AAMDC: variants seen among roughly 807,000 people sequenced by gnomAD.
AAMDC encodes the protein adipogenesis associated Mth938 domain containing, also known as mth938 domain-containing protein.
Under a neutral mutation model 15.5 loss-of-function variants are expected in AAMDC, and 16 were observed. That is an observed-to-expected ratio of 1.03 (90% CI 0.70 to 1.57). The LOEUF (loss-of-function observed/expected upper bound fraction) is 1.57, where lower values mean the gene tolerates loss of function less well. AAMDC is among the 40% of genes most tolerant of loss of function. The pLI is 0.00. For missense variants in AAMDC, 141 were observed against 144.9 expected, an observed-to-expected ratio of 0.97 and a Z score of 0.14; for synonymous variants, 51 against 51.6, an observed-to-expected ratio of 0.99 and a Z score of 0.05.
chr11:77,863,278 C>G (rs183273293), intron 2 of AAMDC, among the ~76,000 whole-genome samples: 3 of 152,242 alleles, frequency 2.0e-5, no homozygotes, highest in East Asian at 3.9e-4. Flanking sequence ...AATGGGCGCT[C>G]AGGAGCACAG....
At chr11:77,832,410 T>G (rs1030953897) in intron 1 of AAMDC, among the ~76,000 whole-genome samples, 1 of 151,440 alleles carries the variant, frequency 6.6e-6, no homozygotes, top group Non-Finnish European at 1.5e-5. Flanking sequence ...CGCTGCAACC[T>G]CCGCCTCCCG....
intron 1 of AAMDC, chr11:77,832,033 T>G (rs573376792): frequency 6.6e-6 from 1 of 152,020 alleles, no homozygotes; most frequent in South Asian, 2.1e-4. Flanking sequence ...AAATCTTGTA[T>G]GAAATTATGT....
chr11:77,830,594 A>T (rs1341791051), intron 1 of AAMDC, among the ~76,000 whole-genome samples: 1 of 150,438 alleles, frequency 6.6e-6, no homozygotes, highest in Non-Finnish European at 1.5e-5. Context: ...CTTCTTCCAA[A>T]TATACTCTTT....
Position 77,900,457 on chromosome 11 carries a change from T to C in AAMDC, c.329-114T>C, listed in dbSNP as rs542899548. The stretch of plus-strand genomic sequence containing the variant: ...TGACTTTATGAGGTCACTATCAAGA[T>C]ACGTGAAGAAATAAAATATTTTATT... On this transcript the variant is annotated intron_variant, in intron 5 of 5. Coordinates refer to the AAMDC transcript ENST00000304716. The C allele has an allele frequency of 1.4e-5, 8 of 552,334 alleles. No individual in the cohort carries two copies. In the East Asian group the frequency reaches 1.5e-4, roughly 10 times the overall value. The allele number at this position is 552,334 out of a possible 1,614,324, so 34.2% of individuals were successfully genotyped here. A position where few individuals can be genotyped will look rare whatever the true frequency, so the allele number is the denominator to read the frequency against.
chr11:77,898,103 A>C (rs545948931), intron 5 of AAMDC, among the ~76,000 whole-genome samples: 1 of 152,334 alleles, frequency 6.6e-6, no homozygotes, highest in East Asian at 1.9e-4. Flanking sequence ...GGCATGAGCC[A>C]CTGCATCTAC....
At chr11:77,886,910 G>T (rs947442011) in intron 5 of AAMDC, among the ~76,000 whole-genome samples, 1 of 151,970 alleles carries the variant, frequency 6.6e-6, no homozygotes, top group Non-Finnish European at 1.5e-5. Flanking sequence ...CGAGAACAAA[G>T]ACACAACATA....
At chr11:77,897,232 G>A (rs562209118) in intron 5 of AAMDC, among the ~76,000 whole-genome samples, 3 of 151,944 alleles carry the variant, frequency 2.0e-5, no homozygotes, top group South Asian at 2.1e-4. Context: ...GGTGGCTCAC[G>A]TCTGTAATCC....
chr11:77,876,058 G>A (rs72939436), downstream of AAMDC, among the ~76,000 whole-genome samples: 1,200 of 152,210 alleles, frequency 7.9e-3, 12 homozygotes, highest in Middle Eastern at 0.024. Flanking sequence ...CACTTAAGGA[G>A]GGCTGATGGT....
intron 2 of AAMDC, among the ~76,000 whole-genome samples, chr11:77,850,239 G>T (rs1006249825): frequency 3.3e-5 from 5 of 152,194 alleles, no homozygotes; most frequent in Non-Finnish European, 7.3e-5. Context: ...AGGTCTTCAA[G>T]CAGTATCCTG....
downstream of AAMDC, chr11:77,876,900 C>T (rs1814152964): frequency 4.3e-6 from 3 of 694,110 alleles, no homozygotes; most frequent in East Asian, 8.1e-5. Context: ...TCTATAATTA[C>T]AGCACGATGG....
At chr11:77,897,838 T>C (rs893906578) in intron 5 of AAMDC, among the ~76,000 whole-genome samples, 2 of 151,906 alleles carry the variant, frequency 1.3e-5, no homozygotes, top group Non-Finnish European at 2.9e-5. Context: ...ACATAGGGTC[T>C]TGTTCTGTTG....
chr11:77,903,542 G>C, downstream of AAMDC: 1 of 1,613,630 alleles, frequency 6.2e-7, no homozygotes. Context: ...AAGCTTACCT[G>C]TTTCGCTGCT....
chr11:77,830,556 T>C (rs1949374938), intron 1 of AAMDC, among the ~76,000 whole-genome samples: 1 of 146,414 alleles, frequency 6.8e-6, no homozygotes, highest in South Asian at 2.2e-4. Flanking sequence ...AGGGCCCTTG[T>C]CCACTAGAGG....
intron 2 of AAMDC, among the ~76,000 whole-genome samples, chr11:77,865,846 CATT>C (rs781128597): frequency 2.6e-5 from 4 of 152,118 alleles, no homozygotes; most frequent in African/African-American, 4.8e-5. Context: ...TATTCTAAAA[CATT>C]ATTCTGAGAA....
intron 5 of AAMDC, among the ~76,000 whole-genome samples, chr11:77,895,088 C>T (rs1430377019): frequency 6.6e-6 from 1 of 152,154 alleles, no homozygotes; most frequent in East Asian, 1.9e-4. Context: ...TCTTGAATTA[C>T]TTGGCCTCAC....
At chr11:77,884,479 C>T (rs1304945627) in intron 5 of AAMDC, among the ~76,000 whole-genome samples, 1 of 152,206 alleles carries the variant, frequency 6.6e-6, no homozygotes, top group Non-Finnish European at 1.5e-5. Flanking sequence ...AGAGTTCTTT[C>T]CTCAGCATCC....
chr11:77,878,231 A>T (rs553066289), intron 5 of AAMDC, among the ~76,000 whole-genome samples: 1 of 152,036 alleles, frequency 6.6e-6, no homozygotes, highest in African/African-American at 2.4e-5. Flanking sequence ...GCGTGGTGAC[A>T]GGCGCCTGTA....
intron 2 of AAMDC, among the ~76,000 whole-genome samples, chr11:77,857,808 T>C (rs1035225449): frequency 1.1e-4 from 17 of 151,310 alleles, no homozygotes; most frequent in African/African-American, 3.6e-4. Context: ...GTGATTCTCC[T>C]GCCTCAGCCT....
downstream of AAMDC, among the ~76,000 whole-genome samples, chr11:77,872,870 G>C (rs1951492496): frequency 6.6e-6 from 1 of 152,216 alleles, no homozygotes; most frequent in African/African-American, 2.4e-5. Flanking sequence ...AGGATCACTT[G>C]AACCCAAGAG....
Sources: gnomAD v4.1 joint callset for allele counts (sites outside exome capture counted in the v4.1 genomes callset) on GRCh38, gnomAD v4.1.1 for gene constraint, MANE v1.5 for transcripts, NCBI Gene and HGNC (gene_info 2026-07-23, HGNC 2026-07-21) for gene names.